The following HSF5 variants were observed in gnomAD, a reference collection of about 807,000 sequenced individuals.
The protein encoded by HSF5 is heat shock factor protein 5.
Under a neutral mutation model 50.8 loss-of-function variants are expected in HSF5, and 5 were observed. That is an observed-to-expected ratio of 0.10 (90% CI 0.05 to 0.21). The LOEUF is 0.21. HSF5 is among the 10% of genes least tolerant of loss of function. HSF5 has a pLI of 1.00. For synonymous variants in HSF5, 307 were observed against 307.4 expected (o/e 1.00, Z 0.02); for missense variants, 564 against 762.6 (o/e 0.74, Z 3.07).
intron 5 of HSF5, among the ~76,000 whole-genome samples, chr17:58,437,064 A>G (rs1229650819): frequency 6.6e-6 from 1 of 152,202 alleles, no homozygotes; most frequent in Non-Finnish European, 1.5e-5. Context: ...GCCTAGCATA[A>G]TGCTTAAAGG....
chr17:58,461,569 C>A (rs1208771061), intron 4 of HSF5, among the ~76,000 whole-genome samples: 1 of 151,948 alleles, frequency 6.6e-6, no homozygotes, highest in Non-Finnish European at 1.5e-5. Context: ...AATTCACACA[C>A]AAAAAAAGAT....
At chr17:58,473,496 G>C (rs1435866510) in intron 2 of HSF5, among the ~76,000 whole-genome samples, 2 of 152,088 alleles carry the variant, frequency 1.3e-5, no homozygotes, top group African/African-American at 4.8e-5. Flanking sequence ...TTTCATAAAA[G>C]AGGAAAATTA....
Position 58,458,817 on chromosome 17 carries a change from T to C in HSF5, c.1671A>G (p.Pro557=), listed in dbSNP as rs1324523831. 6.2e-7 allele frequency: 1 copy of C among 1,614,048 alleles called. No homozygotes were observed. The highest frequency in any genetic ancestry group is 1.3e-5 in the African/African-American group (1 of 74,936). ...TGCTTCTGTGCTCTCTGTATCTGGCTGGAGTGGCTAAACCTGTGTCTTCAC... is the reference window on the plus strand; with the variant it reads ...TGCTTCTGTGCTCTCTGTATCTGGCCGGAGTGGCTAAACCTGTGTCTTCAC... ...KPSEDTGLAT[P]ARYREHRSNS... The change falls in exon 5 of 6, where the codon CCA becomes CCG. Residue 557 remains proline (P), a synonymous_variant. Transcript: ENST00000323777.
chr17:58,422,959 G>A (rs1292869465), intron 5 of HSF5, among the ~76,000 whole-genome samples: 2 of 152,188 alleles, frequency 1.3e-5, no homozygotes, highest in Non-Finnish European at 2.9e-5. Context: ...GCCTCCCAAA[G>A]TGCTGGGATG....
rs9891534 is a variant in HSF5 at position 58,422,856 on chromosome 17, C to T, written c.1721-426G>A. On this transcript the variant is annotated intron_variant, in intron 5 of 5. Coordinates refer to ENST00000323777, the MANE Select transcript of HSF5 (RefSeq NM_001080439.3). ...GATTACAGGCATGCACCACCACGCA[C>T]GGCTAATTTTTATATTTTTAGTGGA... Among the ~76,000 whole-genome samples the T allele has an allele frequency of 8.5e-3, 1,286 of 151,986 alleles. 16 individuals are homozygous for T. Among genetic ancestry groups the T allele is most frequent in the African/African-American group, 0.028 (1,177 of 41,456 alleles).
At position 58,458,836 on chromosome 17, in the gene HSF5, T is replaced by C; in HGVS notation, c.1652A>G (p.Asp551Gly). Reference protein sequence around the residue: ...EMGPASKPSEDTGLATPARYR... With the variant: ...EMGPASKPSEGTGLATPARYR... ...TCTGGCTGGAGTGGCTAAACCTGTG[T>C]CTTCACTAGGCTTGCTAGCAGGCCC... The change falls in exon 5 of 6, where the codon GAC becomes GGC. Residue 551 changes from aspartate to glycine, a missense_variant. This residue lies in a region of HSF5 where 441 missense variants were observed against 533.6 expected (regional missense o/e 0.83). Transcript: ENST00000323777. 6.2e-7 allele frequency: 1 copy of C among 1,614,152 alleles called. No homozygotes were observed. Among genetic ancestry groups the C allele is most frequent in the South Asian group, 1.1e-5 (1 of 91,080 alleles).
intron 5 of HSF5, among the ~76,000 whole-genome samples, chr17:58,430,113 T>G (rs1000369170): frequency 6.6e-6 from 1 of 152,016 alleles, no homozygotes; most frequent in African/African-American, 2.4e-5. Context: ...TCATTCTGTC[T>G]CCCAGGCTGG....
rs758992981 is a variant in HSF5, at chr17:58,459,178, A to AT, written c.1543-234dup. Reference sequence around the variant, plus strand: ...GGAATATCTACCATGAAGCTTGTTGATTTTTTTTTAACTTACAAAAGTACA... The same window carrying AT: ...GGAATATCTACCATGAAGCTTGTTGATTTTTTTTTTAACTTACAAAAGTACA... On this transcript the variant is annotated intron_variant, in intron 4 of 5. Transcript: ENST00000323777. Among the ~76,000 whole-genome samples the AT allele has an allele frequency of 9.9e-4, 149 of 150,832 alleles. 1 individual carries two copies. Among genetic ancestry groups the AT allele is most frequent in the Non-Finnish European group, 1.6e-3 (111 of 67,672 alleles).
chr17:58,467,424 C>T (rs16943061), intron 2 of HSF5, among the ~76,000 whole-genome samples: 2,885 of 152,288 alleles, frequency 0.019, 84 homozygotes, highest in African/African-American at 0.065. Flanking sequence ...CACCATTAAA[C>T]AATGCATCCA....
chr17:58,459,080 T>C (rs1351533696), intron 4 of HSF5, 135 bp from the exon 5 acceptor site: 9 of 729,078 alleles, frequency 1.2e-5, no homozygotes, highest in Non-Finnish European at 2.1e-5. Flanking sequence ...ATTCTTATTA[T>C]TGATACTATA....
intron 1 of HSF5, among the ~76,000 whole-genome samples, chr17:58,485,176 A>C (rs1047683182): frequency 1.3e-5 from 2 of 151,656 alleles, no homozygotes; most frequent in Non-Finnish European, 2.9e-5. Context: ...GATGGTCTCG[A>C]TCTCTTGACC....
In HSF5 at chr17:58,422,417, C is replaced by T. The variant is rs549308014; in HGVS notation, c.1734G>A (p.Leu578=). The T allele has an allele frequency of 3.7e-6, 6 of 1,613,924 alleles. No homozygotes were observed. The East Asian group carries it at 8.9e-5, about 24-fold the overall frequency. ...QQGKSPDLHL[L]VDVACKQERF... ...GCTCCTGCTTGCAGGCCACGTCCACCAGCAGATGAAGATCTAGAAAGAAAG... is the reference window on the plus strand; with the variant it reads ...GCTCCTGCTTGCAGGCCACGTCCACTAGCAGATGAAGATCTAGAAAGAAAG... Residue 578 remains leucine (L), a synonymous_variant, in exon 6 of 6, where the codon CTG becomes CTA. Coordinates refer to ENST00000323777, the MANE Select transcript of HSF5 (RefSeq NM_001080439.3).
chr17:58,463,400 A>G (rs1974821722), intron 3 of HSF5, 97 bp from the exon 4 acceptor site: 1 of 949,308 alleles, frequency 1.1e-6, no homozygotes, highest in South Asian at 1.7e-5. Context: ...CTAAACATAA[A>G]TAGATTAAAC....
At chr17:58,429,246 G>A (rs2143728005) in intron 5 of HSF5, among the ~76,000 whole-genome samples, 1 of 152,350 alleles carries the variant, frequency 6.6e-6, no homozygotes, top group African/African-American at 2.4e-5. Flanking sequence ...GCTGGGGAAA[G>A]GTGGGAATAT....
chr17:58,487,448 C>G (rs1975200824), intron 1 of HSF5, among the ~76,000 whole-genome samples: 2 of 152,204 alleles, frequency 1.3e-5, no homozygotes, highest in Non-Finnish European at 2.9e-5. Flanking sequence ...AGAAGGGAGC[C>G]TAAGAGGCGG....
At chr17:58,458,634 C>T (rs1974745939) in intron 5 of HSF5, 134 bp downstream of exon 5, 1 of 628,268 alleles carries the variant, frequency 1.6e-6, no homozygotes, top group African/African-American at 1.8e-5. Flanking sequence ...AAAATTACAG[C>T]TATGTAAAAA....
At chr17:58,482,385 C>T (rs1598203988) in intron 1 of HSF5, among the ~76,000 whole-genome samples, 1 of 152,006 alleles carries the variant, frequency 6.6e-6, no homozygotes. Flanking sequence ...ATTGCTTGAG[C>T]TCAGGAATTT....
chr17:58,436,471 G>T (rs1240341320), intron 5 of HSF5, among the ~76,000 whole-genome samples: 1 of 151,420 alleles, frequency 6.6e-6, no homozygotes, highest in Non-Finnish European at 1.5e-5. Flanking sequence ...ATGTTTCACA[G>T]CAGGAAGCCA....
At chr17:58,487,567 G>C (rs1331582942) in intron 1 of HSF5, among the ~76,000 whole-genome samples, 158 bp downstream of exon 1, 1 of 152,220 alleles carries the variant, frequency 6.6e-6, no homozygotes. Flanking sequence ...CGGCGGTGGC[G>C]GGACCGCCAG....
Sources: gnomAD v4.1 joint callset for allele counts (sites outside exome capture counted in the v4.1 genomes callset) on GRCh38, gnomAD v4.1.1 for gene constraint, gnomAD v4.1.1 regional missense constraint, MANE v1.5 for transcripts, NCBI Gene and HGNC (gene_info 2026-07-23, HGNC 2026-07-21) for gene names.